Variants in SNAPC3 observed in about 807,000 individuals in gnomAD.
SNAPC3 encodes small nuclear RNA activating complex polypeptide 3.
A neutral mutation model predicts 47.7 loss-of-function variants in SNAPC3; 56 were observed. That is an observed-to-expected ratio of 1.18 (90% CI 0.95 to 1.47). The LOEUF (loss-of-function observed/expected upper bound fraction) is 1.47. Ranked by LOEUF, SNAPC3 falls within the 40% of genes most tolerant of loss-of-function variation. SNAPC3 has a pLI of 0.00. For missense variants in SNAPC3, 665 were observed against 511.3 expected (o/e 1.30, Z -2.90); for synonymous variants, 235 against 189.9 (o/e 1.24, Z -1.95).
At chr9:15,465,491 A>G (rs773232885), downstream of SNAPC3, 80 of 1,491,220 alleles carry the variant, frequency 5.4e-5, no homozygotes, top group Admixed American at 1.5e-3. Context: ...AAACTTCTCA[A>G]GTGTTCTCTA....
rs183892144 is a variant in SNAPC3 at position 15,447,786 on chromosome 9, C to G, written c.732+542C>G. Among the ~76,000 whole-genome samples, 558 of 152,292 alleles carry G rather than the reference C, an allele frequency of 3.7e-3. 1 individual carries two copies. Among genetic ancestry groups the G allele is most frequent in the Non-Finnish European group, 5.7e-3 (390 of 68,024 alleles). ...GAGCCTCAAATAGTTAGCACCCATT[C>G]TTCACCTTTCGCTGCCCAAGGACCA... is the stretch of plus-strand genomic sequence containing the variant. On this transcript the variant is annotated intron_variant, in intron 5 of 8. Transcript: ENST00000380821.
intron 6 of SNAPC3, among the ~76,000 whole-genome samples, chr9:15,452,556 G>A (rs927393455): frequency 1.3e-5 from 2 of 151,422 alleles, no homozygotes; most frequent in East Asian, 2.0e-4. Flanking sequence ...GACCTCAAGC[G>A]ATCCGCCCAC....
chr9:15,433,392 A>T (rs928236104), intron 2 of SNAPC3, among the ~76,000 whole-genome samples, 160 bp from the exon 3 acceptor site: 4 of 152,226 alleles, frequency 2.6e-5, no homozygotes, highest in African/African-American at 9.6e-5. Context: ...TAAGATGTTG[A>T]CATAAGGGAA....
intron 7 of SNAPC3, among the ~76,000 whole-genome samples, chr9:15,454,193 G>A (rs1470621838): frequency 6.6e-6 from 1 of 151,062 alleles, no homozygotes; most frequent in African/African-American, 2.4e-5. Context: ...TCATGCCGCT[G>A]CATTCCAGCC....
At chr9:15,466,716 A>G, downstream of SNAPC3, 1 of 1,515,374 alleles carries the variant, frequency 6.6e-7, no homozygotes, top group Non-Finnish European at 9.0e-7. Flanking sequence ...ATAATAAAAA[A>G]CACACAAGAC....
At chr9:15,432,718 C>A (rs1563841211) in intron 2 of SNAPC3, among the ~76,000 whole-genome samples, 2 of 152,060 alleles carry the variant, frequency 1.3e-5, no homozygotes, top group African/African-American at 4.8e-5. Flanking sequence ...AGAGGCAGGT[C>A]TTCCTCAAAA....
intron 2 of SNAPC3, among the ~76,000 whole-genome samples, chr9:15,425,289 G>C (rs753266079): frequency 2.6e-5 from 4 of 152,116 alleles, no homozygotes; most frequent in East Asian, 3.9e-4. Context: ...CGTGATCTCT[G>C]CTCACTGCAA....
chr9:15,447,082 C>CT lies in SNAPC3; in HGVS notation c.583-10dup. On this transcript the variant is annotated splice_polypyrimidine_tract_variant and intron_variant, in intron 4 of 8. Coordinates refer to ENST00000380821, the MANE Select transcript of SNAPC3 (RefSeq NM_001039697.2). The stretch of plus-strand genomic sequence containing the variant: ...GTCTCTAAATGAACACTTATTTATT[C>CT]TTTGACTTTTAGCACAAAGAACACA... 1 of 1,612,218 alleles carries CT rather than the reference C, an allele frequency of 6.2e-7. No homozygotes were observed. Among genetic ancestry groups the CT allele is most frequent in the South Asian group, 1.1e-5 (1 of 91,018 alleles).
At position 15,449,538 on chromosome 9, in the gene SNAPC3, TATATATA is replaced by T. The variant is rs1273195770; in HGVS notation, c.733-1781_733-1775del. Among the ~76,000 whole-genome samples the T allele has an allele frequency of 1.5e-3, 58 of 37,540 alleles. 1 individual carries two copies. The highest frequency in any genetic ancestry group is 5.6e-3 in the African/African-American group (57 of 10,158). 24.6% of individuals were successfully genotyped at this position (37,540 alleles called of 152,430 possible). A position where few individuals can be genotyped will look rare whatever the true frequency, so the allele number is the denominator to read the frequency against. On this transcript the variant is annotated intron_variant, in intron 5 of 8. Transcript: ENST00000380821. ...GTTTCTGTCTCTTCTATTATTATTATATATATATATATATATATATATATATTTTTTT... is the reference window on the plus strand; with the variant it reads ...GTTTCTGTCTCTTCTATTATTATTATTATATATATATATATATATTTTTTT...
At chr9:15,455,288 C>T (rs1285788277) in intron 7 of SNAPC3, among the ~76,000 whole-genome samples, 1 of 152,152 alleles carries the variant, frequency 6.6e-6, no homozygotes, top group African/African-American at 2.4e-5. Context: ...TATCAGCAGC[C>T]TGGCATGGTG....
At chr9:15,463,449 C>T (rs948024542), downstream of SNAPC3, 3 of 144,044 alleles carry the variant, frequency 2.1e-5, no homozygotes, top group South Asian at 2.3e-4. Flanking sequence ...CACATACCAG[C>T]CCAAAAGAGG....
At chr9:15,465,516 C>T, downstream of SNAPC3, 1 of 1,547,036 alleles carries the variant, frequency 6.5e-7, no homozygotes, top group Non-Finnish European at 8.9e-7. Flanking sequence ...CCAGGTATGT[C>T]AACCTAGTTA....
chr9:15,463,902 T>C (rs1330926178), downstream of SNAPC3: 6 of 134,954 alleles, frequency 4.4e-5, no homozygotes, highest in South Asian at 2.2e-4. Context: ...AAGATAAATA[T>C]TACCTTTATT....
In SNAPC3 at chr9:15,453,121, A is replaced by C. The variant is rs745726291; in HGVS notation, c.896A>C (p.Asn299Thr). Residue 299 changes from asparagine to threonine, a missense_variant, in exon 7 of 9, where the codon AAT (asparagine) becomes ACT (threonine). Asn to Thr is a moderately conservative substitution (Grantham distance 65, BLOSUM62 0). Transcript: ENST00000380821. ...QTARMEDFTF[N>T]DLCIKLGFPY... Reference sequence around the variant, plus strand: ...GCTAGAATGGAAGATTTCACCTTCAATGACTTGTGTATTAAACTGGGTTTT... The same window carrying C: ...GCTAGAATGGAAGATTTCACCTTCACTGACTTGTGTATTAAACTGGGTTTT... The C allele has an allele frequency of 6.2e-7, 1 of 1,612,990 alleles. No homozygotes were observed. The highest frequency in any genetic ancestry group is 8.5e-7 in the Non-Finnish European group (1 of 1,178,950).
chr9:15,423,322 T>C (rs2030847527), intron 1 of SNAPC3, 129 bp downstream of exon 1: 1 of 954,066 alleles, frequency 1.0e-6, no homozygotes, highest in Non-Finnish European at 1.5e-6. Flanking sequence ...TATTACCCTT[T>C]AAAGCTTTCA....
At chr9:15,447,369 A>ACG (rs2034024352) in intron 5 of SNAPC3, 125 bp downstream of exon 5, 3 of 408,326 alleles carry the variant, frequency 7.3e-6, no homozygotes, top group African/African-American at 2.4e-5. Context: ...ATCAAACTAC[A>ACG]CTATCTCATT....
chr9:15,465,354 T>G, downstream of SNAPC3: 1 of 601,374 alleles, frequency 1.7e-6, no homozygotes, highest in Non-Finnish European at 2.9e-6. Context: ...ACAAGTACAC[T>G]TAGCGATAAT....
rs1403831313 is a variant in SNAPC3 at position 15,433,538 on chromosome 9, TACA to T, written c.393-13_393-11del. ...TGAACTTTGATTTTTTTTTTTCTTT[TACA>T]TCTACAACAGGGTTAGAAAAAGGTT... On this transcript the variant is annotated splice_polypyrimidine_tract_variant and intron_variant, in intron 2 of 8. Coordinates refer to ENST00000380821, the MANE Select transcript of SNAPC3 (RefSeq NM_001039697.2). 2 of 1,513,254 alleles carry T rather than the reference TACA, an allele frequency of 1.3e-6. No individual in the cohort carries two copies. The highest frequency in any genetic ancestry group is 1.9e-5 in the Admixed American group (1 of 52,442). 93.7% of individuals were successfully genotyped at this position (1,513,254 alleles called of 1,614,324 possible). A position where few individuals can be genotyped will look rare whatever the true frequency, so the allele number is the denominator to read the frequency against.
At chr9:15,448,007 C>G (rs2034077768) in intron 5 of SNAPC3, among the ~76,000 whole-genome samples, 1 of 152,154 alleles carries the variant, frequency 6.6e-6, no homozygotes, top group African/African-American at 2.4e-5. Flanking sequence ...ATCCCTTCCA[C>G]ATTTCATCAT....
Sources: gnomAD v4.1 joint callset for allele counts (sites outside exome capture counted in the v4.1 genomes callset) on GRCh38, gnomAD v4.1.1 for gene constraint, MANE v1.5 for transcripts, NCBI Gene and HGNC (gene_info 2026-07-23, HGNC 2026-07-21) for gene names.